The following DCDC2 variants were observed in gnomAD, a reference collection of about 807,000 sequenced individuals.
DCDC2 encodes doublecortin domain-containing protein 2.
A neutral mutation model predicts 50.2 loss-of-function variants in DCDC2; 40 were observed. The observed-to-expected ratio is 0.80, with a 90% CI of 0.62 to 1.04. The LOEUF (loss-of-function observed/expected upper bound fraction) is 1.04. Among genes scored for constraint, DCDC2 ranks in the 50% least tolerant of loss-of-function variants. DCDC2 has a pLI of 0.00. For synonymous variants in DCDC2, 234 were observed against 210.6 expected (o/e 1.11, Z -0.96); for missense variants, 570 against 581.9 (o/e 0.98, Z 0.21).
chr6:24,239,385 T>C (rs1762520607), intron 7 of DCDC2, among the ~76,000 whole-genome samples: 1 of 152,148 alleles, frequency 6.6e-6, no homozygotes, highest in South Asian at 2.1e-4. Flanking sequence ...GTGGACCACC[T>C]AGATCAGAGC....
chr6:24,239,737 A>G (rs1406783072), intron 7 of DCDC2, among the ~76,000 whole-genome samples: 8 of 152,232 alleles, frequency 5.3e-5, no homozygotes, highest in Non-Finnish European at 1.2e-4. Context: ...GGAAGTTTAT[A>G]TAAATAAAGA....
At chr6:24,344,044 A>C (rs1265704315) in intron 2 of DCDC2, among the ~76,000 whole-genome samples, 1 of 152,194 alleles carries the variant, frequency 6.6e-6, no homozygotes, top group Admixed American at 6.5e-5. Context: ...CATGCTATGC[A>C]ATAGATCTCC....
In DCDC2 at chr6:24,278,150, AG is replaced by A. The variant is rs753688951; in HGVS notation, c.820del (p.Leu274Ter). On this transcript the variant is annotated frameshift_variant, in exon 7 of 10. Coordinates refer to ENST00000378454, the MANE Select transcript of DCDC2 (RefSeq NM_016356.5). LOFTEE classifies it high-confidence loss of function. The stretch of plus-strand genomic sequence containing the variant: ...GTCTTCTTTTTTCCCTTTCCTCTTC[AG>A]GGGCTGAGGAGATGAGTTGTCACTG... ...GSSDNSSPQP[L>X]KRKGKKEDVN... 1 of 1,613,554 alleles carries A rather than the reference AG, an allele frequency of 6.2e-7. No individual in the cohort carries two copies. Among genetic ancestry groups the A allele is most frequent in the South Asian group, 1.1e-5 (1 of 90,950 alleles).
At chr6:24,232,957 T>C (rs577972798) in intron 7 of DCDC2, among the ~76,000 whole-genome samples, 1 of 152,316 alleles carries the variant, frequency 6.6e-6, no homozygotes, top group Non-Finnish European at 1.5e-5. Flanking sequence ...TAAAAACATC[T>C]TTCCTTTTCT....
chr6:24,214,218 T>C (rs944355622), intron 7 of DCDC2, among the ~76,000 whole-genome samples: 14 of 152,216 alleles, frequency 9.2e-5, no homozygotes, highest in African/African-American at 2.9e-4. Flanking sequence ...ATGCAATTGA[T>C]GTATACATTT....
intron 9 of DCDC2, among the ~76,000 whole-genome samples, chr6:24,177,904 T>C (rs1760960390): frequency 6.6e-6 from 1 of 152,252 alleles, no homozygotes; most frequent in Non-Finnish European, 1.5e-5. Context: ...AAATCACTCA[T>C]AATAGAGAAA....
chr6:24,196,223 CTTTT>C (rs11347091), intron 8 of DCDC2, among the ~76,000 whole-genome samples: 7 of 147,592 alleles, frequency 4.7e-5, no homozygotes, highest in East Asian at 4.0e-4. Context: ...TAATAATTGG[CTTTT>C]TTTTTTTATG....
intron 7 of DCDC2, among the ~76,000 whole-genome samples, chr6:24,268,488 A>G (rs1763174344): frequency 6.6e-6 from 1 of 152,128 alleles, no homozygotes. Flanking sequence ...CTCTGTCTCA[A>G]AAGAAACAAA....
At chr6:24,358,934 ATTT>A (rs1491581240), upstream of DCDC2, among the ~76,000 whole-genome samples, 1 of 19,222 alleles carries the variant, frequency 5.2e-5, no homozygotes, top group East Asian at 1.7e-3. Flanking sequence ...TATATTATAT[ATTT>A]TATATATTAT....
chr6:24,374,501 A>G, the DCDC2 span, among the ~76,000 whole-genome samples: 1 of 131,052 alleles, frequency 7.6e-6, no homozygotes, highest in African/African-American at 2.9e-5. Flanking sequence ...AATTGCTTGA[A>G]CCTGGGAGGT....
intron 7 of DCDC2, among the ~76,000 whole-genome samples, chr6:24,276,862 A>G (rs968901201): frequency 3.4e-4 from 43 of 125,256 alleles, no homozygotes; most frequent in African/African-American, 1.3e-3. Flanking sequence ...AGAGCTAAAG[A>G]AAAAAAAAAA....
intron 7 of DCDC2, among the ~76,000 whole-genome samples, chr6:24,253,209 C>T (rs904168004): frequency 2.6e-5 from 4 of 151,594 alleles, no homozygotes; most frequent in African/African-American, 4.8e-5. Context: ...AAAAATAAAA[C>T]GAATGTACAA....
At chr6:24,285,617 T>TG (rs1763587125) in intron 6 of DCDC2, among the ~76,000 whole-genome samples, 1 of 152,202 alleles carries the variant, frequency 6.6e-6, no homozygotes, top group African/African-American at 2.4e-5. Flanking sequence ...GACATTGATG[T>TG]ATCACAGTAT....
intron 2 of DCDC2, among the ~76,000 whole-genome samples, chr6:24,340,067 G>A (rs1024311509): frequency 7.2e-5 from 11 of 152,154 alleles, no homozygotes; most frequent in African/African-American, 2.7e-4. Context: ...CACATTGCTT[G>A]GATTGCATTA....
intron 2 of DCDC2, among the ~76,000 whole-genome samples, chr6:24,345,339 T>C (rs1455818680): frequency 6.6e-6 from 1 of 152,216 alleles, no homozygotes; most frequent in Non-Finnish European, 1.5e-5. Flanking sequence ...ATGATTAAAC[T>C]GAAATGTGAA....
the DCDC2 span, among the ~76,000 whole-genome samples, chr6:24,382,904 T>A: frequency 2.0e-5 from 3 of 151,950 alleles, no homozygotes; most frequent in African/African-American, 7.3e-5. Flanking sequence ...TTTCATGGAT[T>A]TTTTTTTAGT....
intron 7 of DCDC2, among the ~76,000 whole-genome samples, chr6:24,260,655 A>C (rs1762988243): frequency 6.6e-6 from 1 of 152,182 alleles, no homozygotes; most frequent in African/African-American, 2.4e-5. Context: ...AGAAAATAAA[A>C]ATTTCTAAGA....
intron 4 of DCDC2, among the ~76,000 whole-genome samples, chr6:24,301,325 C>A (rs959809674): frequency 1.6e-5 from 2 of 127,142 alleles, no homozygotes; most frequent in Admixed American, 1.0e-4. Context: ...GAGCTGAGAT[C>A]GTGCCACTGC....
chr6:24,315,048 C>T (rs1473626131), intron 2 of DCDC2, among the ~76,000 whole-genome samples: 4 of 152,102 alleles, frequency 2.6e-5, no homozygotes, highest in South Asian at 2.1e-4. Flanking sequence ...AGTTCATGTC[C>T]GTTTTCCCCA....
Sources: gnomAD v4.1 joint callset for allele counts (sites outside exome capture counted in the v4.1 genomes callset) on GRCh38, gnomAD v4.1.1 for gene constraint, MANE v1.5 for transcripts, NCBI Gene and HGNC (gene_info 2026-07-23, HGNC 2026-07-21) for gene names.